Variants in PPM1H observed in about 807,000 individuals in gnomAD.
PPM1H encodes the protein protein phosphatase, Mg2+/Mn2+ dependent 1H.
A neutral mutation model predicts 54.9 loss-of-function variants in PPM1H; 27 were observed. The observed-to-expected ratio is 0.49, with a 90% confidence interval of 0.36 to 0.68. The LOEUF (loss-of-function observed/expected upper bound fraction) is 0.68, where lower values mean the gene tolerates loss of function less well. PPM1H is among the 30% of genes least tolerant of loss of function. The probability of loss-of-function intolerance (pLI) is 0.00; values close to 1 mark genes in which losing one functional copy is unlikely to be tolerated. For missense variants in PPM1H, 596 were observed against 667.8 expected, an observed-to-expected ratio of 0.89 and a Z score of 1.19; for synonymous variants, 305 against 270.8, an observed-to-expected ratio of 1.13 and a Z score of -1.24.
chr12:62,755,922 C>G (rs1592582142), intron 4 of PPM1H: 2 of 794,196 alleles, frequency 2.5e-6, no homozygotes, highest in East Asian at 2.5e-5. Context: ...ACTGGCATGG[C>G]CTTCTGTGTC....
intron 8 of PPM1H, among the ~76,000 whole-genome samples, chr12:62,670,886 C>A (rs1234672284): frequency 6.6e-6 from 1 of 152,160 alleles, no homozygotes; most frequent in African/African-American, 2.4e-5. Flanking sequence ...GCCCTTTAGC[C>A]AATTTCCAAA....
chr12:62,821,801 A>T (rs143843822), intron 2 of PPM1H, among the ~76,000 whole-genome samples: 1 of 152,214 alleles, frequency 6.6e-6, no homozygotes, highest in African/African-American at 2.4e-5. Flanking sequence ...CAGCCACTGC[A>T]AAAACATGCC....
chr12:62,899,719 C>G (rs942200770), intron 1 of PPM1H, among the ~76,000 whole-genome samples: 1 of 152,206 alleles, frequency 6.6e-6, no homozygotes, highest in Non-Finnish European at 1.5e-5. Context: ...AAAGCTCAAA[C>G]AGCCTCAGTC....
chr12:62,928,474 G>T (rs1301843772), intron 1 of PPM1H, among the ~76,000 whole-genome samples: 2 of 152,186 alleles, frequency 1.3e-5, no homozygotes, highest in Non-Finnish European at 2.9e-5. Flanking sequence ...GAGGGTCACA[G>T]AAGTAATGCA....
intron 1 of PPM1H, among the ~76,000 whole-genome samples, chr12:62,869,026 G>A (rs1029327173): frequency 5.3e-5 from 8 of 152,146 alleles, no homozygotes; most frequent in South Asian, 2.1e-4. Context: ...TATGTGCTGC[G>A]AAGTACACAC....
At chr12:62,661,944 C>T (rs529315957) in intron 9 of PPM1H, among the ~76,000 whole-genome samples, 5 of 151,260 alleles carry the variant, frequency 3.3e-5, no homozygotes, top group African/African-American at 1.2e-4. Context: ...ATTCATTCAT[C>T]CATCTGATAT....
At position 62,832,281 on chromosome 12, in the gene PPM1H, T is replaced by C; in HGVS notation, c.246-2A>G. ...GTGCTCTTCCCGGCATTGATAACCC[T>C]GGAGAAGAAGCCGGAAAAGCTGGTC... On this transcript the variant is annotated splice_acceptor_variant, in intron 1 of 9. Transcript: ENST00000228705. LOFTEE classifies it high-confidence loss of function. 1 of 1,607,930 alleles carries C rather than the reference T, an allele frequency of 6.2e-7. No homozygotes were observed. Among genetic ancestry groups the C allele is most frequent in the East Asian group, 2.2e-5 (1 of 44,754 alleles).
intron 4 of PPM1H, among the ~76,000 whole-genome samples, chr12:62,743,135 G>C (rs1466182757): frequency 6.6e-6 from 1 of 152,128 alleles, no homozygotes; most frequent in Admixed American, 6.5e-5. Flanking sequence ...TGGATCACTT[G>C]AGATCAGGAG....
At chr12:62,858,819 T>C (rs1235284492) in intron 1 of PPM1H, among the ~76,000 whole-genome samples, 1 of 152,228 alleles carries the variant, frequency 6.6e-6, no homozygotes, top group African/African-American at 2.4e-5. Flanking sequence ...ACTGCTTTGG[T>C]ACAATACAGG....
chr12:62,682,755 C>T (rs1364041713), intron 8 of PPM1H, among the ~76,000 whole-genome samples: 1 of 152,176 alleles, frequency 6.6e-6, no homozygotes, highest in Non-Finnish European at 1.5e-5. Flanking sequence ...CCTCCCACTT[C>T]AGCCTCCCAA....
At chr12:62,744,470 C>CAAAA (rs35852199) in intron 4 of PPM1H, among the ~76,000 whole-genome samples, 3 of 88,184 alleles carry the variant, frequency 3.4e-5, no homozygotes, top group Admixed American at 1.2e-4. Flanking sequence ...GACTCTGTCT[C>CAAAA]AAAAAAAAAA....
At chr12:62,856,195 C>T (rs764900640) in intron 1 of PPM1H, among the ~76,000 whole-genome samples, 1 of 152,200 alleles carries the variant, frequency 6.6e-6, no homozygotes, top group Non-Finnish European at 1.5e-5. Context: ...TCCCTCTGTA[C>T]AACTATGTCT....
intron 2 of PPM1H, among the ~76,000 whole-genome samples, chr12:62,809,829 CA>C (rs553215687): frequency 5.5e-4 from 84 of 152,302 alleles, no homozygotes; most frequent in African/African-American, 1.9e-3. Flanking sequence ...GAACTTCTCT[CA>C]TTTCCTCTCT....
At position 62,922,163 on chromosome 12, in the gene PPM1H, A is replaced by G. The variant is rs143125724; in HGVS notation, c.245+12329T>C. 3.5e-4 allele frequency among the ~76,000 whole-genome samples: 53 copies of G among 152,334 alleles called. No individual in the cohort carries two copies. The East Asian group carries it at 8.5e-3, about 24-fold the overall frequency. On this transcript the variant is annotated intron_variant, in intron 1 of 9. Coordinates refer to ENST00000228705, the MANE Select transcript of PPM1H (RefSeq NM_020700.2). ...TAAGGAAGTATAATTTTAAGAGACT[A>G]CTATACTCAATAGAACTATTTTAAA...
At position 62,665,036 on chromosome 12, in the gene PPM1H, A is replaced by G. The variant is rs566301717; in HGVS notation, c.1397+2142T>C. Among the ~76,000 whole-genome samples the G allele has an allele frequency of 4.0e-4, 60 of 148,576 alleles. 1 individual carries two copies. The South Asian group carries it at 5.5e-3, about 14-fold the overall frequency. On this transcript the variant is annotated intron_variant, in intron 9 of 9. Transcript: ENST00000228705. ...TATATTTTTGGAAGGCAAAGGGGTT[A>G]AAGTTCTTCAGTTTCTTTCTCTTTT...
intron 8 of PPM1H, among the ~76,000 whole-genome samples, chr12:62,686,765 A>G (rs766481406): frequency 5.9e-5 from 9 of 152,238 alleles, no homozygotes; most frequent in Non-Finnish European, 1.0e-4. Flanking sequence ...GGGTGATACC[A>G]GGAAATGTGT....
rs1871070382 is a variant in PPM1H at position 62,898,692 on chromosome 12, T to C, written c.245+35800A>G. On this transcript the variant is annotated intron_variant, in intron 1 of 9. Coordinates refer to ENST00000228705, the MANE Select transcript of PPM1H (RefSeq NM_020700.2). Reference sequence around the variant, plus strand: ...AAGAAGCCTCAAAAAGGCAGCCAGTTAGAGGTAGAAATTTATTTGGTAATT... The same window carrying C: ...AAGAAGCCTCAAAAAGGCAGCCAGTCAGAGGTAGAAATTTATTTGGTAATT... 2.0e-5 allele frequency among the ~76,000 whole-genome samples: 3 copies of C among 152,298 alleles called. No individual in the cohort carries two copies. The East Asian group carries it at 5.8e-4, about 29-fold the overall frequency.
intron 1 of PPM1H, among the ~76,000 whole-genome samples, chr12:62,889,209 T>C (rs558075557): frequency 6.6e-6 from 1 of 152,176 alleles, no homozygotes; most frequent in Non-Finnish European, 1.5e-5. Context: ...TTGATCTACA[T>C]ACTCAATGCA....
chr12:62,852,980 T>C (rs1031838937), intron 1 of PPM1H, among the ~76,000 whole-genome samples: 1 of 152,186 alleles, frequency 6.6e-6, no homozygotes, highest in East Asian at 1.9e-4. Context: ...AGGAAACAAC[T>C]AGAAAAAACT....
Sources: allele counts gnomAD v4.1 joint callset (sites outside exome capture counted in the v4.1 genomes callset), GRCh38; gene constraint gnomAD v4.1.1; transcripts MANE v1.5; gene names NCBI Gene and HGNC (gene_info 2026-07-23, HGNC 2026-07-21).